Variants in UVSSA observed in about 807,000 individuals in gnomAD.
The protein encoded by UVSSA is UV-stimulated scaffold protein A.
UVSSA carries 72 observed loss-of-function variants against 73.9 expected under a neutral mutation model. That is an observed-to-expected ratio of 0.97 (90% CI 0.81 to 1.19). UVSSA has a LOEUF of 1.19. Ranked by LOEUF, UVSSA falls within the 50% of genes most tolerant of loss-of-function variation. UVSSA has a pLI of 0.00. For synonymous variants in UVSSA, 454 were observed against 391.3 expected (o/e 1.16, Z -1.89); for missense variants, 1,150 against 965.0 (o/e 1.19, Z -2.54).
At chr4:1,366,488 G>A in intron 8 of UVSSA, 57 bp downstream of exon 8, 5 of 1,385,972 alleles carry the variant, frequency 3.6e-6, no homozygotes, top group Non-Finnish European at 5.0e-6. Flanking sequence ...CACTCAGGAT[G>A]TGGCCCCTTG....
At chr4:1,375,077 C>T (rs1282872216) in intron 8 of UVSSA, 2 of 449,328 alleles carry the variant, frequency 4.5e-6, no homozygotes, top group Admixed American at 7.7e-5. Context: ...TCCATCTGCT[C>T]AGGCTGGCAC....
At chr4:1,345,546 G>C (rs1713597044), upstream of UVSSA, among the ~76,000 whole-genome samples, 1 of 151,050 alleles carries the variant, frequency 6.6e-6, no homozygotes, top group Non-Finnish European at 1.5e-5. Flanking sequence ...TCGGGAGGCT[G>C]AGGCAGGAGA....
chr4:1,363,932 T>C (rs886268618), intron 7 of UVSSA, among the ~76,000 whole-genome samples: 1 of 152,250 alleles, frequency 6.6e-6, no homozygotes, highest in Non-Finnish European at 1.5e-5. Flanking sequence ...GGTCTGATGA[T>C]TGGTGTGGGG....
chr4:1,362,147 G>A (rs1716737017), intron 7 of UVSSA, among the ~76,000 whole-genome samples: 1 of 152,150 alleles, frequency 6.6e-6, no homozygotes, highest in South Asian at 2.1e-4. Context: ...TATGATCGTG[G>A]AGGCTCATTT....
intron 2 of UVSSA, 72 bp from the exon 3 acceptor site, chr4:1,349,452 A>G (rs1714317984): frequency 6.9e-7 from 1 of 1,459,004 alleles, no homozygotes. Context: ...TGCGGCATCC[A>G]TGCACGGAGA....
chr4:1,382,952 G>T (rs922186858), intron 12 of UVSSA, among the ~76,000 whole-genome samples: 1 of 152,194 alleles, frequency 6.6e-6, no homozygotes, highest in African/African-American at 2.4e-5. Context: ...GTCCCGTCAG[G>T]GGTGGCCTTC....
At chr4:1,359,521 C>T (rs1189464174) in intron 7 of UVSSA, 2 of 152,202 alleles carry the variant, frequency 1.3e-5, no homozygotes, top group African/African-American at 2.4e-5. Context: ...GAGTCAGAAA[C>T]GCATCTTAAG....
chr4:1,367,223 T>C (rs7688922), intron 8 of UVSSA, among the ~76,000 whole-genome samples: 116,139 of 152,082 alleles, frequency 0.76, 45,367 homozygotes, highest in African/African-American at 0.93. Context: ...CTCCCAAAAC[T>C]GCGTTCCAGT....
In UVSSA at chr4:1,383,765, G is replaced by C. The variant is rs778116801; in HGVS notation, c.1862-1G>C. On this transcript the variant is annotated splice_acceptor_variant, in intron 12 of 13. Coordinates refer to ENST00000389851, the MANE Select transcript of UVSSA (RefSeq NM_020894.4). LOFTEE classifies it high-confidence loss of function. Reference sequence around the variant, plus strand: ...CTGAAGTGCTTGAGTTTTGTTTGCAGAATGGCAGGACCCTGAGTTGATGAG... The same window carrying C: ...CTGAAGTGCTTGAGTTTTGTTTGCACAATGGCAGGACCCTGAGTTGATGAG... The C allele has an allele frequency of 6.2e-7, 1 of 1,613,250 alleles. No homozygotes were observed. Among genetic ancestry groups the C allele is most frequent in the Non-Finnish European group, 8.5e-7 (1 of 1,179,992 alleles).
upstream of UVSSA, among the ~76,000 whole-genome samples, chr4:1,344,048 T>C (rs1560406360): frequency 6.6e-6 from 1 of 152,114 alleles, no homozygotes; most frequent in Non-Finnish European, 1.5e-5. Flanking sequence ...GGCTTTTTTT[T>C]TTGGGTGGAG....
intron 2 of UVSSA, among the ~76,000 whole-genome samples, chr4:1,348,936 A>G (rs917720684): frequency 9.9e-5 from 15 of 152,064 alleles, no homozygotes; most frequent in African/African-American, 3.6e-4. Flanking sequence ...CACCCAGCTG[A>G]AACAGTGTGC....
chr4:1,394,715 A>T, exon 14 of UVSSA: 1 of 1,419,502 alleles, frequency 7.0e-7, no homozygotes, highest in Non-Finnish European at 9.4e-7. Context: ...CTGCTCACAC[A>T]CGTGTCCATG....
intron 8 of UVSSA, among the ~76,000 whole-genome samples, chr4:1,374,715 T>G (rs1718538222): frequency 6.6e-6 from 1 of 152,178 alleles, no homozygotes; most frequent in South Asian, 2.1e-4. Context: ...GGCCAAGACC[T>G]TGGTCCAGTG....
chr4:1,354,115 G>C (rs1398581408), intron 5 of UVSSA, among the ~76,000 whole-genome samples: 1 of 152,244 alleles, frequency 6.6e-6, no homozygotes, highest in Non-Finnish European at 1.5e-5. Context: ...GAGGCAGCCG[G>C]GCTGGGAAGC....
intron 9 of UVSSA, 56 bp downstream of exon 9, chr4:1,375,564 G>C: frequency 6.3e-7 from 1 of 1,574,826 alleles, no homozygotes; most frequent in Non-Finnish European, 8.6e-7. Flanking sequence ...CACAGCCTCT[G>C]CCCAGAGCAC....
chr4:1,359,583 T>C (rs1716325235), intron 7 of UVSSA: 1 of 152,226 alleles, frequency 6.6e-6, no homozygotes, highest in South Asian at 2.1e-4. Context: ...TTCTGCTAGT[T>C]ACCGGGTTAC....
chr4:1,371,880 C>T (rs1718083090), intron 8 of UVSSA, among the ~76,000 whole-genome samples: 1 of 152,190 alleles, frequency 6.6e-6, no homozygotes, highest in Non-Finnish European at 1.5e-5. Context: ...TTTGACTGTG[C>T]TGTACAAACC....
At chr4:1,392,969 G>C (rs115852454), downstream of UVSSA, 1 of 152,140 alleles carries the variant, frequency 6.6e-6, no homozygotes, top group Non-Finnish European at 1.5e-5. Context: ...TGCCTTCAGC[G>C]CTCCATTGTG....
chr4:1,349,591 G>A lies in UVSSA; in HGVS notation c.166G>A (p.Glu56Lys), dbSNP rs781746901. Residue 56 changes from glutamate to lysine, a missense_variant, in exon 3 of 14, where the codon GAG (glutamate) becomes AAG (lysine). By Grantham distance (56) the Glu-to-Lys change is moderately conservative. Coordinates refer to ENST00000389851, the MANE Select transcript of UVSSA (RefSeq NM_020894.4). The stretch of plus-strand genomic sequence containing the variant: ...AGCACAGCTGACCCAGGAGCACGCC[G>A]AGATCCGTCTCTCAGCCTTCCAGAT... ...LIAQLTQEHA[E>K]IRLSAFQIVE... 8.7e-6 allele frequency: 14 copies of A among 1,613,986 alleles called. No homozygotes were observed. The highest frequency in any genetic ancestry group is 5.0e-5 in the Admixed American group (3 of 59,996).
Sources: allele counts gnomAD v4.1 joint callset (sites outside exome capture counted in the v4.1 genomes callset), GRCh38; gene constraint gnomAD v4.1.1; transcripts MANE v1.5; gene names NCBI Gene and HGNC (gene_info 2026-07-23, HGNC 2026-07-21).